DDX60L: variants seen among roughly 807,000 people sequenced by gnomAD.
The protein encoded by DDX60L is DExD/H-box 60 like, also known as probable ATP-dependent RNA helicase DDX60-like.
Under a neutral mutation model 211.6 loss-of-function variants are expected in DDX60L, and 191 were observed. The observed-to-expected ratio is 0.90, with a 90% CI of 0.80 to 1.02. DDX60L has a LOEUF of 1.02. Ranked by LOEUF, DDX60L falls within the 50% of genes least tolerant of loss-of-function variation. The pLI, the probability that DDX60L is intolerant of heterozygous loss-of-function variation, is 0.00. For missense variants in DDX60L, 2,007 were observed against 1,984.1 expected, an observed-to-expected ratio of 1.01 and a Z score of -0.22; for synonymous variants, 706 against 694.1, an observed-to-expected ratio of 1.02 and a Z score of -0.27.
At chr4:168,385,314 A>C (rs1743669913) in intron 29 of DDX60L, among the ~76,000 whole-genome samples, 1 of 152,228 alleles carries the variant, frequency 6.6e-6, no homozygotes, top group Non-Finnish European at 1.5e-5. Context: ...GAGCTTCCAC[A>C]CAGCTGAATA....
intron 11 of DDX60L, 68 bp from the exon 12 acceptor site, chr4:168,432,638 G>T: frequency 1.1e-6 from 1 of 885,078 alleles, no homozygotes. Context: ...ACTTCAGGCT[G>T]TGATAACAGA....
At chr4:168,430,027 G>C (rs1405909508) in intron 13 of DDX60L, among the ~76,000 whole-genome samples, 1 of 152,120 alleles carries the variant, frequency 6.6e-6, no homozygotes, top group Non-Finnish European at 1.5e-5. Flanking sequence ...AAGAAACCCT[G>C]TGTCTACTAA....
At chr4:168,480,018 G>A (rs1760213780) in intron 1 of DDX60L, among the ~76,000 whole-genome samples, 2 of 149,916 alleles carry the variant, frequency 1.3e-5, no homozygotes, top group African/African-American at 2.5e-5. Flanking sequence ...AATACAAGAC[G>A]GAAAAAAGGG....
At chr4:168,390,897 A>G (rs917780683) in intron 29 of DDX60L, among the ~76,000 whole-genome samples, 1 of 152,084 alleles carries the variant, frequency 6.6e-6, no homozygotes, top group African/African-American at 2.4e-5. Context: ...TGATTTTTAA[A>G]AAGTTATCTG....
chr4:168,438,315 T>C (rs1753352085), intron 10 of DDX60L, among the ~76,000 whole-genome samples: 1 of 152,212 alleles, frequency 6.6e-6, no homozygotes, highest in Non-Finnish European at 1.5e-5. Context: ...GATTTATATC[T>C]TTACCTGTAA....
chr4:168,408,589 A>C (rs1482242020), intron 22 of DDX60L, among the ~76,000 whole-genome samples: 1 of 152,092 alleles, frequency 6.6e-6, no homozygotes, highest in Non-Finnish European at 1.5e-5. Context: ...AAACAAAAGC[A>C]TATCATACCA....
rs765171915 is a variant in DDX60L, at chr4:168,441,356, T to A, written c.1275A>T (p.Gln425His). The change falls in exon 10 of 38, where the codon CAA (glutamine) becomes CAT (histidine). Residue 425 changes from glutamine to histidine, a missense_variant. Coordinates refer to ENST00000682922, the MANE Select transcript of DDX60L (RefSeq NM_001012967.3). The part of the protein sequence containing the change: ...LRTTRRHFLR[Q>H]EKSVIQEISL... Reference sequence around the variant, plus strand: ...TAGTACCTTGAATGACCGATTTCTCTTGTCTAAGAAAATGTCTTCTTGTTG... The same window carrying A: ...TAGTACCTTGAATGACCGATTTCTCATGTCTAAGAAAATGTCTTCTTGTTG... 4.4e-6 allele frequency: 7 copies of A among 1,608,360 alleles called. No homozygotes were observed. The highest frequency in any genetic ancestry group is 5.1e-6 in the Non-Finnish European group (6 of 1,177,844).
At chr4:168,408,797 C>T (rs1164446915) in intron 22 of DDX60L, among the ~76,000 whole-genome samples, 1 of 152,172 alleles carries the variant, frequency 6.6e-6, no homozygotes, top group Non-Finnish European at 1.5e-5. Context: ...TGCAGCTCTT[C>T]CCTTAGCCCA....
intron 1 of DDX60L, among the ~76,000 whole-genome samples, chr4:168,479,845 G>T (rs1332086932): frequency 1.3e-5 from 2 of 151,682 alleles, no homozygotes; most frequent in East Asian, 3.9e-4. Context: ...TTAGCCGGGC[G>T]TGGTGGCGGG....
At chr4:168,372,730 T>C (rs1579213548) in intron 35 of DDX60L, among the ~76,000 whole-genome samples, 1 of 118,882 alleles carries the variant, frequency 8.4e-6, no homozygotes, top group Admixed American at 8.9e-5. Flanking sequence ...CTGTCACAAA[T>C]AAAAAGTGGG....
intron 17 of DDX60L, among the ~76,000 whole-genome samples, chr4:168,421,158 G>A (rs190933508): frequency 1.3e-5 from 2 of 151,856 alleles, no homozygotes. Flanking sequence ...ACCACTCCAA[G>A]GGAGGGAGGG....
At chr4:168,477,266 T>C (rs188231919) in intron 1 of DDX60L, among the ~76,000 whole-genome samples, 74 of 152,056 alleles carry the variant, frequency 4.9e-4, no homozygotes, top group Non-Finnish European at 9.6e-4. Flanking sequence ...ATACAAAAAA[T>C]TAGCCGGGCG....
At chr4:168,435,743 G>A (rs991009423) in intron 10 of DDX60L, among the ~76,000 whole-genome samples, 40 of 151,966 alleles carry the variant, frequency 2.6e-4, no homozygotes, top group African/African-American at 6.3e-4. Flanking sequence ...GGAATTTTCC[G>A]GAAGAAATTT....
chr4:168,459,713 G>C (rs555632095), intron 5 of DDX60L, among the ~76,000 whole-genome samples: 1 of 143,670 alleles, frequency 7.0e-6, no homozygotes, highest in African/African-American at 2.5e-5. Context: ...CCAAGATCAC[G>C]CCACTGCACT....
At chr4:168,460,016 A>G (rs1757112803) in intron 5 of DDX60L, among the ~76,000 whole-genome samples, 1 of 152,204 alleles carries the variant, frequency 6.6e-6, no homozygotes, top group South Asian at 2.1e-4. Flanking sequence ...CATGTTGTAC[A>G]TTTAGAAGGC....
intron 9 of DDX60L, 34 bp downstream of exon 9, chr4:168,448,604 C>A: frequency 7.0e-7 from 1 of 1,437,024 alleles, no homozygotes; most frequent in South Asian, 1.3e-5. Flanking sequence ...ATAATTTGTT[C>A]ATGATATAAT....
intron 1 of DDX60L, among the ~76,000 whole-genome samples, chr4:168,480,044 T>G (rs533285261): frequency 2.0e-5 from 3 of 150,544 alleles, no homozygotes; most frequent in Non-Finnish European, 4.4e-5. Flanking sequence ...GCTTGCTGCC[T>G]GTCAATGTCC....
intron 26 of DDX60L, among the ~76,000 whole-genome samples, chr4:168,398,615 A>T (rs1746245592): frequency 6.6e-6 from 1 of 152,170 alleles, no homozygotes; most frequent in African/African-American, 2.4e-5. Flanking sequence ...GTGGGAACTT[A>T]ACGGTGCTTT....
At chr4:168,381,002 G>T (rs2319811) in intron 30 of DDX60L, among the ~76,000 whole-genome samples, 1 of 152,002 alleles carries the variant, frequency 6.6e-6, no homozygotes, top group East Asian at 1.9e-4. Context: ...GATGATTTAG[G>T]GTATGTGGCA....
Sources: allele counts gnomAD v4.1 joint callset (sites outside exome capture counted in the v4.1 genomes callset), GRCh38; gene constraint gnomAD v4.1.1; transcripts MANE v1.5; gene names NCBI Gene and HGNC (gene_info 2026-07-23, HGNC 2026-07-21).